Variants in ZNF777 observed in about 807,000 individuals in gnomAD.
The protein encoded by ZNF777 is zinc finger protein 777.
Under a neutral mutation model 72.1 loss-of-function variants are expected in ZNF777, and 7 were observed. The observed-to-expected ratio is 0.10, with a 90% CI of 0.06 to 0.18. The LOEUF (loss-of-function observed/expected upper bound fraction) is 0.18, where lower values mean the gene tolerates loss of function less well. ZNF777 is among the 10% of genes least tolerant of loss of function. The pLI, the probability that ZNF777 is intolerant of heterozygous loss-of-function variation, is 1.00. For missense variants in ZNF777, 828 were observed against 1,128.6 expected, an observed-to-expected ratio of 0.73 and a Z score of 3.82; for synonymous variants, 545 against 483.5, an observed-to-expected ratio of 1.13 and a Z score of -1.67.
rs564163370 is a variant in ZNF777, at chr7:149,459,127, C to T, written c.-16+1688G>A. ...AAACATCTTCGTTTGATTTTATTTT[C>T]TCATGAGTTTTTTTTTGATTAAAGA... On this transcript the variant is annotated intron_variant, in intron 1 of 5. Coordinates refer to ENST00000247930, the MANE Select transcript of ZNF777 (RefSeq NM_015694.3). Among the ~76,000 whole-genome samples the T allele has an allele frequency of 4.6e-5, 7 of 152,236 alleles. No homozygotes were observed. In the South Asian group the frequency reaches 1.5e-3, roughly 32 times the overall value.
At chr7:149,433,381 T>C (rs1799359067) in intron 5 of ZNF777, among the ~76,000 whole-genome samples, 1 of 152,150 alleles carries the variant, frequency 6.6e-6, no homozygotes, top group African/African-American at 2.4e-5. Context: ...ACACACCCCT[T>C]TTTCCATTAG....
Position 149,455,928 on chromosome 7 carries a change from A to C in ZNF777, c.95T>G (p.Leu32Arg). The change falls in exon 2 of 6, where the codon CTG (leucine) becomes CGG (arginine). Residue 32 changes from leucine (L) to arginine (R), a missense_variant. Physicochemically the swap from Leu to Arg is moderately radical, Grantham distance 102. Transcript: ENST00000247930. This position sits in a 1 kb window ranked among gnomAD's most constrained non-coding sequence, Gnocchi z 4.2. ...GGGAGGAAGAACGCGGGATTGGAAC[A>C]GAGTTTCTCGGGGGAGTCCAGCAGG... The part of the protein sequence containing the change: ...QAPAGLPRET[L>R]FQSRVLPPKE... 1 of 1,612,094 alleles carries C rather than the reference A, an allele frequency of 6.2e-7. No homozygotes were observed. Among genetic ancestry groups the C allele is most frequent in the Non-Finnish European group, 8.5e-7 (1 of 1,179,482 alleles).
chr7:149,449,945 G>A (rs1799684099), intron 4 of ZNF777, among the ~76,000 whole-genome samples: 1 of 152,108 alleles, frequency 6.6e-6, no homozygotes, highest in African/African-American at 2.4e-5. Context: ...TCAGTACATG[G>A]GGCCAACATT....
Position 149,432,462 on chromosome 7 carries a change from A to G in ZNF777, c.1810T>C (p.Ser604Pro). 2 of 1,613,630 alleles carry G rather than the reference A, an allele frequency of 1.2e-6. No homozygotes were observed. Among genetic ancestry groups the G allele is most frequent in the Non-Finnish European group, 1.7e-6 (2 of 1,179,886 alleles). Residue 604 changes from serine to proline, a missense_variant, in exon 6 of 6, where the codon TCA becomes CCA. Physicochemically the swap from Ser to Pro is moderately conservative, Grantham distance 74 (BLOSUM62 -1). This residue lies in a region of ZNF777 where 100 missense variants were observed against 106.2 expected (regional missense o/e 0.94). Transcript: ENST00000247930. ...TTGAACGTGGGCCCGCGTTCGGGTG[A>G]GACGCAGCCTCCGCGCACGCGGTGG... ...RIHRVRGGCV[S>P]PERGPTFNPK...
At chr7:149,448,308 A>C (rs996111131) in intron 4 of ZNF777, among the ~76,000 whole-genome samples, 2 of 150,984 alleles carry the variant, frequency 1.3e-5, no homozygotes, top group Non-Finnish European at 2.9e-5. Context: ...TCTACTAAAG[A>C]AAAGTAAAAA....
chr7:149,460,402 G>A lies in ZNF777; in HGVS notation c.-16+413C>T, dbSNP rs917285679. 1.4e-5 allele frequency among the ~76,000 whole-genome samples: 2 copies of A among 145,972 alleles called. No homozygotes were observed. The highest frequency in any genetic ancestry group is 4.9e-5 in the African/African-American group (2 of 40,744). On this transcript the variant is annotated intron_variant, in intron 1 of 5. Coordinates refer to ENST00000247930, the MANE Select transcript of ZNF777 (RefSeq NM_015694.3). This position sits in a 1 kb window ranked among gnomAD's most constrained non-coding sequence, Gnocchi z 6.1. ...GGGCGCGCGGCTGTGCGGGCGGCCC[G>A]GCCGGCTGCGTCCCGGCGGCGAGCT...
chr7:149,450,917 G>C, intron 4 of ZNF777, 82 bp downstream of exon 4: 2 of 1,276,724 alleles, frequency 1.6e-6, no homozygotes, highest in Non-Finnish European at 2.2e-6. Flanking sequence ...GGCCTACCTT[G>C]GATTGTGCTG....
intron 3 of ZNF777, among the ~76,000 whole-genome samples, chr7:149,451,843 A>G (rs891276429): frequency 2.8e-4 from 42 of 152,260 alleles, no homozygotes; most frequent in Admixed American, 2.4e-3. Flanking sequence ...ATATATATAC[A>G]TGTTTGACAT....
chr7:149,438,028 C>T (rs888639789), intron 4 of ZNF777, among the ~76,000 whole-genome samples: 1 of 151,652 alleles, frequency 6.6e-6, no homozygotes, highest in African/African-American at 2.4e-5. Flanking sequence ...TACAGGCACC[C>T]GCCACCACAC....
At position 149,431,379 on chromosome 7, in the gene ZNF777, T is replaced by G; in HGVS notation, c.*397A>C. On this transcript the variant is annotated 3_prime_UTR_variant, in exon 6 of 6. Coordinates refer to ENST00000247930, the MANE Select transcript of ZNF777 (RefSeq NM_015694.3). ...GAAACGCTCTTCTTTTAAAAATTAC[T>G]CTATTATTATCAAATAGAACCACAG... The G allele has an allele frequency of 2.7e-6, 1 of 374,812 alleles. No individual in the cohort carries two copies. The highest frequency in any genetic ancestry group is 5.1e-6 in the Non-Finnish European group (1 of 196,508). The allele number at this position is 374,812 out of a possible 1,614,324, so 23.2% of individuals were successfully genotyped here. A position where few individuals can be genotyped will look rare whatever the true frequency, so the allele number is the denominator to read the frequency against.
chr7:149,435,235 A>G (rs1476613695), intron 5 of ZNF777, among the ~76,000 whole-genome samples: 3 of 152,090 alleles, frequency 2.0e-5, no homozygotes, highest in African/African-American at 7.2e-5. Context: ...CAGTGATACA[A>G]TCATGGCTCA....
In ZNF777 at chr7:149,432,648, C is replaced by T. The variant is rs776516588; in HGVS notation, c.1624G>A (p.Gly542Ser). 3 of 1,613,558 alleles carry T rather than the reference C, an allele frequency of 1.9e-6. No homozygotes were observed. Among genetic ancestry groups the T allele is most frequent in the East Asian group, 4.5e-5 (2 of 44,864 alleles). The change falls in exon 6 of 6, where the codon GGC (glycine) becomes AGC (serine). Residue 542 changes from glycine (G) to serine (S), a missense_variant. This residue lies in a region of ZNF777 where 219 missense variants were observed against 223.0 expected (regional missense o/e 0.98). Coordinates refer to ENST00000247930, the MANE Select transcript of ZNF777 (RefSeq NM_015694.3). Reference sequence around the variant, plus strand: ...TCCATGCATGTGAAGGGCCGCTCGCCGCGCCGGTTCCGCTGCTGCTGGCTC... The same window carrying T: ...TCCATGCATGTGAAGGGCCGCTCGCTGCGCCGGTTCCGCTGCTGCTGGCTC... The part of the protein sequence containing the change: ...ASSQQQRNRR[G>S]ERPFTCMECG...
chr7:149,445,341 G>C (rs938186504), intron 4 of ZNF777, among the ~76,000 whole-genome samples: 1 of 151,844 alleles, frequency 6.6e-6, no homozygotes, highest in Non-Finnish European at 1.5e-5. Context: ...TTCTTTACTT[G>C]TCTCTGTACA....
At chr7:149,449,062 G>C (rs1799667411) in intron 4 of ZNF777, among the ~76,000 whole-genome samples, 1 of 152,246 alleles carries the variant, frequency 6.6e-6, no homozygotes, top group Non-Finnish European at 1.5e-5. Flanking sequence ...TGCAAAAGGA[G>C]AAGGCGCTTG....
intron 4 of ZNF777, among the ~76,000 whole-genome samples, chr7:149,450,621 T>C (rs1880606): frequency 0.63 from 95,095 of 152,072 alleles, 30,419 homozygotes; most frequent in East Asian, 0.81. Flanking sequence ...GCCTGCCCCT[T>C]ATCCCTCCAC....
At chr7:149,453,631 C>A (rs1452202237) in intron 3 of ZNF777, among the ~76,000 whole-genome samples, 1 of 152,204 alleles carries the variant, frequency 6.6e-6, no homozygotes, top group Non-Finnish European at 1.5e-5. Flanking sequence ...AATCATCGAA[C>A]AGGAGTGTGA....
intron 2 of ZNF777, 100 bp from the exon 3 acceptor site, chr7:149,454,337 C>T: frequency 4.0e-6 from 6 of 1,496,776 alleles, no homozygotes; most frequent in Non-Finnish European, 5.4e-6. Flanking sequence ...TGGGCCTTCA[C>T]CTAGGACTTT....
intron 4 of ZNF777, among the ~76,000 whole-genome samples, chr7:149,444,886 G>T (rs1799578288): frequency 6.6e-6 from 1 of 152,098 alleles, no homozygotes; most frequent in Admixed American, 6.6e-5. Context: ...TGGGCAGCTG[G>T]CTCTTTCAAT....
At chr7:149,451,987 T>C (rs1012357059) in intron 3 of ZNF777, among the ~76,000 whole-genome samples, 8 of 152,204 alleles carry the variant, frequency 5.3e-5, no homozygotes, top group Admixed American at 3.9e-4. Flanking sequence ...ACAAGTTCAC[T>C]GGGCACAGTG....
Sources: gnomAD v4.1 joint callset for allele counts (sites outside exome capture counted in the v4.1 genomes callset) on GRCh38, gnomAD v4.1.1 for gene constraint, gnomAD v4.1.1 regional missense constraint, Gnocchi (gnomAD v3.1) non-coding constraint, MANE v1.5 for transcripts, NCBI Gene and HGNC (gene_info 2026-07-23, HGNC 2026-07-21) for gene names.